The following RBMS3 variants were observed in gnomAD, a reference collection of about 807,000 sequenced individuals.
The protein encoded by RBMS3 is RNA-binding motif, single-stranded-interacting protein 3.
RBMS3 carries 27 observed loss-of-function variants against 66.8 expected under a neutral mutation model. The ratio of observed to expected loss-of-function variants is 0.40; its 90% CI spans 0.30 to 0.56. The LOEUF is 0.56. Among genes scored for constraint, RBMS3 ranks in the 20% least tolerant of loss-of-function variants. The pLI is 0.40. For synonymous variants in RBMS3, 188 were observed against 183.0 expected (o/e 1.03, Z -0.22); for missense variants, 513 against 549.5 (o/e 0.93, Z 0.66).
At chr3:29,758,610 G>C (rs1243518506) in intron 5 of RBMS3, among the ~76,000 whole-genome samples, 4 of 152,116 alleles carry the variant, frequency 2.6e-5, no homozygotes, top group Non-Finnish European at 5.9e-5. Context: ...TAAGACACTT[G>C]TATCCTAAGA....
At chr3:29,849,228 G>A (rs1001235099) in intron 6 of RBMS3, among the ~76,000 whole-genome samples, 1 of 149,124 alleles carries the variant, frequency 6.7e-6, no homozygotes, top group African/African-American at 2.5e-5. Context: ...TATAAAAGCA[G>A]GCCAATGTTG....
intron 6 of RBMS3, among the ~76,000 whole-genome samples, chr3:29,853,775 C>T (rs1312145096): frequency 6.6e-6 from 1 of 152,144 alleles, no homozygotes; most frequent in East Asian, 1.9e-4. Flanking sequence ...CTCTCATCAC[C>T]TGGGAGCTTT....
At chr3:29,901,164 A>G (rs961541908) in intron 10 of RBMS3, among the ~76,000 whole-genome samples, 1 of 151,774 alleles carries the variant, frequency 6.6e-6, no homozygotes, top group African/African-American at 2.4e-5. Flanking sequence ...ACCACTATGC[A>G]ACAAATCCAG....
chr3:29,762,082 A>G (rs1250311591), intron 5 of RBMS3, among the ~76,000 whole-genome samples: 3 of 152,166 alleles, frequency 2.0e-5, no homozygotes. Context: ...AATTTAAATT[A>G]TGTTGGTATG....
At chr3:29,378,198 C>T (rs1210624101) in intron 1 of RBMS3, among the ~76,000 whole-genome samples, 1 of 152,136 alleles carries the variant, frequency 6.6e-6, no homozygotes, top group East Asian at 1.9e-4. Flanking sequence ...TCAGGCCGGG[C>T]ACGGTGGCTC....
intron 6 of RBMS3, chr3:29,767,541 A>G (rs1001186599): frequency 6.6e-6 from 1 of 152,020 alleles, no homozygotes; most frequent in Admixed American, 6.6e-5. Flanking sequence ...TATCAGAGGA[A>G]TAATATTTTT....
intron 3 of RBMS3, among the ~76,000 whole-genome samples, chr3:29,513,930 C>T (rs1278143820): frequency 4.6e-5 from 7 of 152,134 alleles, no homozygotes; most frequent in South Asian, 2.1e-4. Context: ...TCCTTTGACA[C>T]AATCATGCCC....
chr3:29,706,512 CAAAGACAT>C (rs2052900804), intron 4 of RBMS3, among the ~76,000 whole-genome samples: 1 of 152,126 alleles, frequency 6.6e-6, no homozygotes, highest in South Asian at 2.1e-4. Flanking sequence ...AGCTGTCTAC[CAAAGACAT>C]CTCCAAGGAT....
chr3:29,531,066 A>G (rs527359609), intron 3 of RBMS3, among the ~76,000 whole-genome samples: 23 of 152,316 alleles, frequency 1.5e-4, no homozygotes, highest in Non-Finnish European at 3.1e-4. Context: ...AGAGTTTAAC[A>G]AAGTGAAAAG....
At chr3:29,728,239 G>T (rs934258606) in intron 4 of RBMS3, among the ~76,000 whole-genome samples, 54 of 152,166 alleles carry the variant, frequency 3.5e-4, no homozygotes, top group Admixed American at 9.2e-4. Context: ...AGAGGATTGG[G>T]ACAAATACCT....
At chr3:29,413,606 C>A (rs569078577) in intron 1 of RBMS3, among the ~76,000 whole-genome samples, 1 of 152,216 alleles carries the variant, frequency 6.6e-6, no homozygotes, top group African/African-American at 2.4e-5. Context: ...GTAGGATAAA[C>A]AATGGTACAG....
rs1358114059 is a variant in RBMS3, at chr3:30,003,888, A to ATC, written c.*28_*29dup. Reference sequence around the variant, plus strand: ...ACAGGACTGAAGAATGTCTGTCTGAATCTTTGCCTTGAATGAAGAAACTTC... The same window carrying ATC: ...ACAGGACTGAAGAATGTCTGTCTGAATCTCTTTGCCTTGAATGAAGAAACTTC... On this transcript the variant is annotated 3_prime_UTR_variant, in exon 15 of 15. Coordinates refer to ENST00000383767, the MANE Select transcript of RBMS3 (RefSeq NM_001003793.3). 1 of 1,443,418 alleles carries ATC rather than the reference A, an allele frequency of 6.9e-7. No homozygotes were observed. Among genetic ancestry groups the ATC allele is most frequent in the Non-Finnish European group, 9.2e-7 (1 of 1,089,832 alleles). 89.4% of individuals were successfully genotyped at this position (1,443,418 alleles called of 1,614,324 possible). A position where few individuals can be genotyped will look rare whatever the true frequency, so the allele number is the denominator to read the frequency against.
intron 4 of RBMS3, among the ~76,000 whole-genome samples, chr3:29,590,779 CTCAG>C (rs1465014041): frequency 6.6e-6 from 1 of 152,012 alleles, no homozygotes; most frequent in African/African-American, 2.4e-5. Context: ...ATTTATTTTA[CTCAG>C]TAGGAAGAAG....
At chr3:29,562,827 A>C (rs2046604522) in intron 3 of RBMS3, among the ~76,000 whole-genome samples, 1 of 152,152 alleles carries the variant, frequency 6.6e-6, no homozygotes, top group African/African-American at 2.4e-5. Flanking sequence ...AGAAGACTAA[A>C]TCAATCTCTA....
intron 6 of RBMS3, among the ~76,000 whole-genome samples, chr3:29,769,351 C>G (rs1559651817): frequency 6.6e-6 from 1 of 151,850 alleles, no homozygotes; most frequent in Non-Finnish European, 1.5e-5. Context: ...AATTATCAAA[C>G]AGAAGGTATT....
At chr3:29,625,697 A>AAAAT (rs1553633435) in intron 4 of RBMS3, among the ~76,000 whole-genome samples, 4 of 124,958 alleles carry the variant, frequency 3.2e-5, no homozygotes, top group African/African-American at 3.8e-5. Context: ...AAACGCCATT[A>AAAAT]AAGTAAATAA....
intron 4 of RBMS3, among the ~76,000 whole-genome samples, chr3:29,687,762 G>A (rs1416156436): frequency 6.6e-6 from 1 of 152,138 alleles, no homozygotes; most frequent in Non-Finnish European, 1.5e-5. Context: ...CATATGCTGA[G>A]AAGATACCAA....
chr3:29,534,625 T>C (rs2045483993), intron 3 of RBMS3, among the ~76,000 whole-genome samples: 1 of 152,226 alleles, frequency 6.6e-6, no homozygotes, highest in Non-Finnish European at 1.5e-5. Flanking sequence ...TTTAGATTTA[T>C]AGATTTTGTT....
intron 3 of RBMS3, among the ~76,000 whole-genome samples, chr3:29,517,162 T>G (rs1206178883): frequency 6.6e-6 from 1 of 151,838 alleles, no homozygotes; most frequent in East Asian, 1.9e-4. Context: ...GCAGAGCGTT[T>G]TGGTTGCGTC....
Sources: allele counts gnomAD v4.1 joint callset (sites outside exome capture counted in the v4.1 genomes callset), GRCh38; gene constraint gnomAD v4.1.1; transcripts MANE v1.5; gene names NCBI Gene and HGNC (gene_info 2026-07-23, HGNC 2026-07-21).